DDX19B: variants seen among roughly 807,000 people sequenced by gnomAD.
DDX19B encodes the protein DEAD-box helicase 19B.
Under a neutral mutation model 58.1 loss-of-function variants are expected in DDX19B, and 27 were observed. That is an observed-to-expected ratio of 0.46 (90% CI 0.34 to 0.64). DDX19B has a LOEUF of 0.64. DDX19B is among the 30% of genes least tolerant of loss of function. DDX19B has a pLI of 0.01. For missense variants in DDX19B, 399 were observed against 596.5 expected, an observed-to-expected ratio of 0.67 and a Z score of 3.45; for synonymous variants, 187 against 214.4, an observed-to-expected ratio of 0.87 and a Z score of 1.12.
upstream of DDX19B, among the ~76,000 whole-genome samples, chr16:70,296,605 A>G (rs935087462): frequency 8.5e-5 from 13 of 152,122 alleles, no homozygotes; most frequent in South Asian, 4.1e-4. Flanking sequence ...ATTAACCTCT[A>G]GCCCTGTGAA....
intron 1 of DDX19B, among the ~76,000 whole-genome samples, chr16:70,308,402 T>C (rs1961889140): frequency 6.7e-6 from 1 of 149,576 alleles, no homozygotes; most frequent in Non-Finnish European, 1.5e-5. Flanking sequence ...TGGCTAATTT[T>C]TTTTATATTT....
Position 70,328,922 on chromosome 16 carries a change from A to G in DDX19B, c.608-370A>G, listed in dbSNP as rs980239329. ...GAGAGAAGAGCTGGCTTTGCCTTTG[A>G]AATACCCATGGAGGCCGGGCACGGT... On this transcript the variant is annotated intron_variant, in intron 7 of 11. Coordinates refer to ENST00000288071, the MANE Select transcript of DDX19B (RefSeq NM_007242.7). Among the ~76,000 whole-genome samples the G allele has an allele frequency of 4.0e-5, 6 of 151,890 alleles. No homozygotes were observed. In the East Asian group the frequency reaches 1.2e-3, roughly 30 times the overall value.
intron 5 of DDX19B, among the ~76,000 whole-genome samples, chr16:70,323,578 C>T (rs1014832125): frequency 1.3e-5 from 2 of 152,062 alleles, no homozygotes; most frequent in Admixed American, 1.3e-4. Flanking sequence ...CGCCCACCAC[C>T]ATGCCTGGCT....
upstream of DDX19B, among the ~76,000 whole-genome samples, chr16:70,294,271 C>G (rs751014207): frequency 1.3e-5 from 2 of 151,708 alleles, no homozygotes; most frequent in Non-Finnish European, 2.9e-5. Flanking sequence ...TTAGTAGAGA[C>G]GGGGTTTCAC....
intron 5 of DDX19B, among the ~76,000 whole-genome samples, chr16:70,322,429 A>G (rs1962887441): frequency 6.6e-6 from 1 of 151,860 alleles, no homozygotes; most frequent in Non-Finnish European, 1.5e-5. Context: ...ATCTCTACAA[A>G]AAAAACACAA....
upstream of DDX19B, among the ~76,000 whole-genome samples, chr16:70,292,135 A>G (rs2152176959): frequency 6.6e-6 from 1 of 152,114 alleles, no homozygotes; most frequent in South Asian, 2.1e-4. Flanking sequence ...CTGGGCAACA[A>G]AGCAAGACCC....
chr16:70,319,194 TAA>T lies in DDX19B; in HGVS notation c.389+1607_389+1608del, dbSNP rs373198254. On this transcript the variant is annotated intron_variant, in intron 5 of 11. Coordinates refer to ENST00000288071, the MANE Select transcript of DDX19B (RefSeq NM_007242.7). ...GATCATCTTCCTATGTTGGTAAATA[TAA>T]GTTTATATCGTATATGCACCATGAT... Among the ~76,000 whole-genome samples the T allele has an allele frequency of 7.9e-3, 1,206 of 152,312 alleles. 8 individuals carry two copies. Among genetic ancestry groups the T allele is most frequent in the Non-Finnish European group, 0.013 (893 of 68,036 alleles).
chr16:70,326,744 C>G (rs917645798), intron 7 of DDX19B, among the ~76,000 whole-genome samples: 1 of 152,068 alleles, frequency 6.6e-6, no homozygotes, highest in African/African-American at 2.4e-5. Flanking sequence ...CCACGTTGGC[C>G]AGGCTGGTCT....
chr16:70,321,672 CA>C (rs1426614063), intron 5 of DDX19B, among the ~76,000 whole-genome samples: 2 of 152,122 alleles, frequency 1.3e-5, no homozygotes, highest in Non-Finnish European at 2.9e-5. Flanking sequence ...ACATTAATGC[CA>C]CTGAATAGTA....
intron 1 of DDX19B, among the ~76,000 whole-genome samples, chr16:70,306,218 C>T (rs567532337): frequency 6.6e-6 from 1 of 152,206 alleles, no homozygotes; most frequent in African/African-American, 2.4e-5. Context: ...GTGGTGTGTA[C>T]ATGGCTCACT....
intron 7 of DDX19B, among the ~76,000 whole-genome samples, chr16:70,328,359 A>ATTTTT (rs1202085538): frequency 7.6e-6 from 1 of 131,378 alleles, no homozygotes; most frequent in South Asian, 2.4e-4. Context: ...AGAATTCTGA[A>ATTTTT]TTTTTTTTTT....
At position 70,329,467 on chromosome 16, in the gene DDX19B, G is replaced by A; in HGVS notation, c.783G>A (p.Gln261=). The change falls in exon 8 of 12, where the codon CAG becomes CAA. Residue 261 remains glutamine, a splice_region_variant and synonymous_variant. Coordinates refer to ENST00000288071, the MANE Select transcript of DDX19B (RefSeq NM_007242.7). The part of the protein sequence containing the change: ...QGHQDQSIRI[Q]RMLPRNCQML... ...ACCAAGATCAGAGCATCCGCATCCAGAGGTAGGGATCTCGAGGGTGGGGGA... is the reference window on the plus strand; with the variant it reads ...ACCAAGATCAGAGCATCCGCATCCAAAGGTAGGGATCTCGAGGGTGGGGGA... The A allele has an allele frequency of 6.2e-7, 1 of 1,613,892 alleles. No homozygotes were observed.
chr16:70,332,862 G>GC, intron 10 of DDX19B, 106 bp from the exon 11 acceptor site: 1 of 1,599,556 alleles, frequency 6.3e-7, no homozygotes, highest in Admixed American at 1.7e-5. Context: ...GTCTCTTAGT[G>GC]CCGTGTTCCC....
intron 4 of DDX19B, 106 bp downstream of exon 4, chr16:70,316,210 AG>A: frequency 1.5e-6 from 2 of 1,322,888 alleles, no homozygotes; most frequent in South Asian, 1.7e-5. Context: ...TAGCTAACCA[AG>A]TTTTTTTTTT....
chr16:70,311,772 G>C (rs1056295578), intron 1 of DDX19B, among the ~76,000 whole-genome samples: 1 of 152,160 alleles, frequency 6.6e-6, no homozygotes, highest in Non-Finnish European at 1.5e-5. Flanking sequence ...TCAGCATACT[G>C]TGGTCTTACG....
In DDX19B at chr16:70,316,029, C is replaced by T. The variant is rs1962380632; in HGVS notation, c.221C>T (p.Thr74Ile). 6.2e-7 allele frequency: 1 copy of T among 1,613,964 alleles called. No individual in the cohort carries two copies. The highest frequency in any genetic ancestry group is 1.7e-5 in the Admixed American group (1 of 59,956). Residue 74 changes from threonine to isoleucine, a missense_variant, in exon 4 of 12, where the codon ACA becomes ATA. Physicochemically the swap from Thr to Ile is moderately conservative, Grantham distance 89. Around this residue, in one of 4 missense-constraint regions of DDX19B, gnomAD observed 132 missense variants for 159.4 expected, o/e 0.83. Transcript: ENST00000288071. ...ATCAGAAGCAACCTTGTTGATAACA[C>T]AAACCAAGTGGAAGTCCTGCAGCGG... is the stretch of plus-strand genomic sequence containing the variant. Reference protein sequence around the residue: ...KLIRSNLVDNTNQVEVLQRDP... With the variant: ...KLIRSNLVDNINQVEVLQRDP...
chr16:70,331,851 A>G lies in DDX19B; in HGVS notation c.1153A>G (p.Lys385Glu). Residue 385 changes from lysine to glutamate, a missense_variant, in exon 10 of 12, where the codon AAG becomes GAG. Coordinates refer to ENST00000288071, the MANE Select transcript of DDX19B (RefSeq NM_007242.7). ...TGAGCGCTTCCGAGAGGGCAAAGAG[A>G]AGGTTTTGGTGACCACCAACGTGTG... ...VIERFREGKE[K>E]VLVTTNVCAR... The G allele has an allele frequency of 6.2e-7, 1 of 1,614,048 alleles. No individual in the cohort carries two copies.
intron 6 of DDX19B, 143 bp downstream of exon 6, chr16:70,324,830 T>C (rs550085790): frequency 7.0e-5 from 46 of 655,814 alleles, no homozygotes; most frequent in Non-Finnish European, 2.0e-5. Context: ...GGTGGGCGGA[T>C]CACCTGAGGT....
chr16:70,307,691 G>GTGTAT, intron 1 of DDX19B, among the ~76,000 whole-genome samples: 1 of 151,114 alleles, frequency 6.6e-6, no homozygotes, highest in South Asian at 2.1e-4. Flanking sequence ...GTGTGTGTGT[G>GTGTAT]TGTATGTATA....
Sources: allele counts gnomAD v4.1 joint callset (sites outside exome capture counted in the v4.1 genomes callset), GRCh38; gene constraint gnomAD v4.1.1; regional missense constraint gnomAD v4.1.1; transcripts MANE v1.5; gene names NCBI Gene and HGNC (gene_info 2026-07-23, HGNC 2026-07-21).